Variants in GCA observed in about 807,000 individuals in gnomAD.
The protein encoded by GCA is grancalcin, also known as grancalcin, EF-hand calcium-binding protein.
Under a neutral mutation model 32.6 loss-of-function variants are expected in GCA, and 30 were observed. That is an observed-to-expected ratio of 0.92 (90% CI 0.69 to 1.25). The LOEUF (loss-of-function observed/expected upper bound fraction) is 1.25, where lower values mean the gene tolerates loss of function less well. GCA is among the 50% of genes most tolerant of loss of function. The probability of loss-of-function intolerance (pLI) is 0.00; values close to 1 mark genes in which losing one functional copy is unlikely to be tolerated. For synonymous variants in GCA, 102 were observed against 84.6 expected (o/e 1.21, Z -1.13); for missense variants, 291 against 266.8 (o/e 1.09, Z -0.63).
At chr2:162,330,034 A>G (rs1279600640) in intron 1 of GCA, among the ~76,000 whole-genome samples, 1 of 152,136 alleles carries the variant, frequency 6.6e-6, no homozygotes, top group African/African-American at 2.4e-5. Context: ...ATGGTTTTCA[A>G]TGGTATATAT....
intron 1 of GCA, among the ~76,000 whole-genome samples, chr2:162,329,639 T>A (rs573183144): frequency 6.6e-6 from 1 of 150,986 alleles, no homozygotes; most frequent in South Asian, 2.1e-4. Flanking sequence ...ATGATAGGGA[T>A]CAAAATTTTT....
At chr2:162,372,192 T>C, downstream of GCA, 1 of 982,022 alleles carries the variant, frequency 1.0e-6, no homozygotes, top group Non-Finnish European at 1.5e-6. Context: ...TCTTTCCTCA[T>C]TAATCTATAT....
intron 1 of GCA, among the ~76,000 whole-genome samples, chr2:162,332,930 C>CT (rs1310449604): frequency 6.6e-6 from 1 of 152,024 alleles, no homozygotes; most frequent in Non-Finnish European, 1.5e-5. Flanking sequence ...AAAGAGTACA[C>CT]TTTTTTTAAA....
At chr2:162,325,734 G>A (rs550520986) in intron 1 of GCA, among the ~76,000 whole-genome samples, 14 of 152,216 alleles carry the variant, frequency 9.2e-5, no homozygotes, top group East Asian at 3.9e-4. Flanking sequence ...CTTGCTGAAC[G>A]GCGTGTTTCT....
intron 1 of GCA, among the ~76,000 whole-genome samples, chr2:162,328,040 G>T (rs962691445): frequency 6.6e-6 from 1 of 151,966 alleles, no homozygotes; most frequent in South Asian, 2.1e-4. Flanking sequence ...TTAGCCCGTC[G>T]CTGCACTGTG....
At chr2:162,333,091 A>T (rs79300786) in intron 1 of GCA, among the ~76,000 whole-genome samples, 10 of 152,228 alleles carry the variant, frequency 6.6e-5, no homozygotes, top group Admixed American at 1.3e-4. Context: ...ACACCCAAAA[A>T]GTTGCAAGAT....
intron 5 of GCA, 62 bp downstream of exon 5, chr2:162,356,967 C>A: frequency 8.7e-7 from 1 of 1,148,678 alleles, no homozygotes; most frequent in Non-Finnish European, 1.2e-6. Flanking sequence ...ATTAGATGAA[C>A]TTAATTGCTT....
upstream of GCA, among the ~76,000 whole-genome samples, chr2:162,339,993 A>T (rs1684386885): frequency 6.6e-6 from 1 of 152,156 alleles, no homozygotes; most frequent in Non-Finnish European, 1.5e-5. Context: ...TAAGTCATAA[A>T]ACTATTTATA....
In GCA at chr2:162,347,609, T is replaced by A. The variant is rs1255868355; in HGVS notation, c.59T>A (p.Met20Lys). Reference protein sequence around the residue: ...FGNFSIQVPGMQMGQPVPETG... With the variant: ...FGNFSIQVPGKQMGQPVPETG... Reference sequence around the variant, plus strand: ...AATTTTAGCATTCAGGTGCCAGGAATGCAGATGGGACAGCCAGTGCCAGAA... The same window carrying A: ...AATTTTAGCATTCAGGTGCCAGGAAAGCAGATGGGACAGCCAGTGCCAGAA... Residue 20 changes from methionine (M) to lysine (K), a missense_variant, in exon 2 of 8, where the codon ATG (methionine) becomes AAG (lysine). Physicochemically the swap from Met to Lys is moderately conservative, Grantham distance 95. Transcript: ENST00000437150. 2 of 1,609,316 alleles carry A rather than the reference T, an allele frequency of 1.2e-6. No individual in the cohort carries two copies. Among genetic ancestry groups the A allele is most frequent in the South Asian group, 1.1e-5 (1 of 90,452 alleles).
upstream of GCA, chr2:162,318,767 A>G (rs1248481676): frequency 1.2e-5 from 2 of 161,830 alleles, no homozygotes; most frequent in Non-Finnish European, 2.7e-5. Flanking sequence ...TTCCTCAGGG[A>G]GACGCCACCT....
chr2:162,336,656 C>G (rs1684279763), intron 1 of GCA, among the ~76,000 whole-genome samples: 1 of 151,886 alleles, frequency 6.6e-6, no homozygotes, highest in South Asian at 2.1e-4. Context: ...CTCTCTCTTT[C>G]TGTCTTCTAT....
upstream of GCA, among the ~76,000 whole-genome samples, chr2:162,343,314 T>C (rs1371039601): frequency 6.6e-6 from 1 of 152,110 alleles, no homozygotes; most frequent in Non-Finnish European, 1.5e-5. Context: ...AAATCAGACT[T>C]GTCCATTGCT....
intron 1 of GCA, chr2:162,346,525 G>A (rs553233548): frequency 2.0e-5 from 3 of 152,270 alleles, no homozygotes; most frequent in African/African-American, 7.2e-5. Flanking sequence ...AAGACACCAT[G>A]GCAGTTCCAG....
chr2:162,359,749 G>A (rs1038891729), intron 7 of GCA, among the ~76,000 whole-genome samples, 197 bp downstream of exon 7: 7 of 150,826 alleles, frequency 4.6e-5, no homozygotes, highest in African/African-American at 1.7e-4. Context: ...ATGTTAAATT[G>A]TAAATATGCT....
chr2:162,345,625 C>T (rs1166648733), intron 1 of GCA, among the ~76,000 whole-genome samples: 1 of 152,174 alleles, frequency 6.6e-6, no homozygotes, highest in African/African-American at 2.4e-5. Flanking sequence ...ATTTAAATCC[C>T]CTTTTCCATG....
At chr2:162,340,669 C>A (rs1684412930), upstream of GCA, among the ~76,000 whole-genome samples, 1 of 152,186 alleles carries the variant, frequency 6.6e-6, no homozygotes, top group African/African-American at 2.4e-5. Context: ...TGAAGCCCTG[C>A]ATGATCTGCT....
intron 2 of GCA, among the ~76,000 whole-genome samples, chr2:162,351,078 G>A (rs1409208753): frequency 6.6e-6 from 1 of 152,146 alleles, no homozygotes; most frequent in African/African-American, 2.4e-5. Flanking sequence ...GGTTTCTGCA[G>A]TGTTCTTATT....
chr2:162,322,550 C>G (rs1683712576), intron 1 of GCA, among the ~76,000 whole-genome samples: 1 of 116,730 alleles, frequency 8.6e-6, no homozygotes, highest in South Asian at 3.6e-4. Context: ...AATGCTATCC[C>G]TCCCCCCTCC....
chr2:162,374,817 T>C (rs1686104192), downstream of GCA, among the ~76,000 whole-genome samples: 1 of 152,188 alleles, frequency 6.6e-6, no homozygotes, highest in Non-Finnish European at 1.5e-5. Flanking sequence ...TATAGCCATA[T>C]AGCTTTGTGT....
Sources: gnomAD v4.1 joint callset for allele counts (sites outside exome capture counted in the v4.1 genomes callset) on GRCh38, gnomAD v4.1.1 for gene constraint, MANE v1.5 for transcripts, NCBI Gene and HGNC (gene_info 2026-07-23, HGNC 2026-07-21) for gene names.